Variants in TNKS2 observed in about 807,000 individuals in gnomAD.
TNKS2 encodes tankyrase 2.
Under a neutral mutation model 137.6 loss-of-function variants are expected in TNKS2, and 72 were observed. The ratio of observed to expected loss-of-function variants is 0.52; its 90% CI spans 0.43 to 0.64. The LOEUF (loss-of-function observed/expected upper bound fraction) is 0.64, where lower values mean the gene tolerates loss of function less well. TNKS2 is among the 30% of genes least tolerant of loss of function. The probability of loss-of-function intolerance (pLI) is 0.00; values close to 1 mark genes in which losing one functional copy is unlikely to be tolerated. For synonymous variants in TNKS2, 516 were observed against 512.1 expected, an observed-to-expected ratio of 1.01 and a Z score of -0.10; for missense variants, 1,049 against 1,410.2, an observed-to-expected ratio of 0.74 and a Z score of 4.10.
chr10:91,815,486 C>CAAATGT (rs59439298), intron 2 of TNKS2, among the ~76,000 whole-genome samples: 4 of 151,340 alleles, frequency 2.6e-5, no homozygotes, highest in African/African-American at 7.3e-5. Flanking sequence ...TAGAGTTTTC[C>CAAATGT]AGTTATAATC....
chr10:91,851,539 A>G (rs1451138602), intron 21 of TNKS2, among the ~76,000 whole-genome samples: 2 of 152,182 alleles, frequency 1.3e-5, no homozygotes, highest in Non-Finnish European at 2.9e-5. Context: ...ATGTGAACCT[A>G]AGTAAAATTT....
intron 7 of TNKS2, among the ~76,000 whole-genome samples, chr10:91,826,567 A>G (rs937260823): frequency 6.6e-6 from 1 of 152,236 alleles, no homozygotes; most frequent in Non-Finnish European, 1.5e-5. Flanking sequence ...TATATCTAAT[A>G]TGTGGCCAGA....
Position 91,848,384 on chromosome 10 carries a change from C to T in TNKS2, c.2360C>T (p.Ala787Val), listed in dbSNP as rs758827793. ...EGQTPLDLVS[A>V]DDVSALLTAA... ...TGTTGTCTCTGACACGTACCCTAGGCGGATGATGTCAGCGCTCTTCTGACA... is the reference window on the plus strand; with the variant it reads ...TGTTGTCTCTGACACGTACCCTAGGTGGATGATGTCAGCGCTCTTCTGACA... The change falls in exon 19 of 27, where the codon GCG becomes GTG. Residue 787 changes from alanine to valine, a missense_variant and splice_region_variant. Coordinates refer to ENST00000371627, the MANE Select transcript of TNKS2 (RefSeq NM_025235.4). 1.8e-5 allele frequency: 29 copies of T among 1,613,732 alleles called. No homozygotes were observed. Among genetic ancestry groups the T allele is most frequent in the Non-Finnish European group, 2.2e-5 (26 of 1,179,842 alleles).
intron 1 of TNKS2, among the ~76,000 whole-genome samples, chr10:91,804,611 G>A (rs1177990368): frequency 1.1e-4 from 17 of 152,198 alleles, no homozygotes; most frequent in Non-Finnish European, 2.2e-4. Flanking sequence ...TACCTGGCCA[G>A]TGAGAACATG....
In TNKS2 at chr10:91,798,495, C is replaced by T. The variant is rs1844038021; in HGVS notation, c.-196C>T. Reference sequence around the variant, plus strand: ...CGCTGCCTCCGCCGCCGCGGGGCAGCCGGGGGGCAGGGAGCCCAGCGAGGG... The same window carrying T: ...CGCTGCCTCCGCCGCCGCGGGGCAGTCGGGGGGCAGGGAGCCCAGCGAGGG... On this transcript the variant is annotated 5_prime_UTR_variant, in exon 1 of 27. Coordinates refer to ENST00000371627, the MANE Select transcript of TNKS2 (RefSeq NM_025235.4). 1 of 519,022 alleles carries T rather than the reference C, an allele frequency of 1.9e-6. No homozygotes were observed. Among genetic ancestry groups the T allele is most frequent in the East Asian group, 4.6e-5 (1 of 21,780 alleles). The allele number at this position is 519,022 out of a possible 1,614,324, so 32.2% of individuals were successfully genotyped here.
intron 15 of TNKS2, among the ~76,000 whole-genome samples, 175 bp downstream of exon 15, chr10:91,841,623 A>G (rs750813092): frequency 1.3e-5 from 2 of 152,124 alleles, no homozygotes; most frequent in Non-Finnish European, 2.9e-5. Context: ...ATCCACAAGT[A>G]TGTTTACTAG....
Position 91,863,071 on chromosome 10 carries a change from C to A in TNKS2, c.*72C>A. ...GCAGCAGTGGCCTCTACGTTTTACT[C>A]CTTTGCTGAAAAAAAATCATCTTGC... On this transcript the variant is annotated 3_prime_UTR_variant, in exon 27 of 27. Coordinates refer to ENST00000371627, the MANE Select transcript of TNKS2 (RefSeq NM_025235.4). The A allele has an allele frequency of 2.7e-6, 3 of 1,103,588 alleles. No individual in the cohort carries two copies. Among genetic ancestry groups the A allele is most frequent in the South Asian group, 1.4e-5 (1 of 70,512 alleles). 68.4% of individuals were successfully genotyped at this position (1,103,588 alleles called of 1,614,324 possible). A position where few individuals can be genotyped will look rare whatever the true frequency, so the allele number is the denominator to read the frequency against.
At chr10:91,821,470 A>C (rs1187273856) in intron 6 of TNKS2, among the ~76,000 whole-genome samples, 2 of 152,152 alleles carry the variant, frequency 1.3e-5, no homozygotes, top group African/African-American at 4.8e-5. Context: ...CTTTAAAGAG[A>C]GGACTCATAG....
chr10:91,822,280 C>T lies in TNKS2; in HGVS notation c.729-16C>T. ...ATCTATACTGAAACAGGATTTTCCC[C>T]CCCTTCTCATTGTAGTGATCTGGTA... is the stretch of plus-strand genomic sequence containing the variant. On this transcript the variant is annotated splice_polypyrimidine_tract_variant and intron_variant, in intron 6 of 26. Coordinates refer to ENST00000371627, the MANE Select transcript of TNKS2 (RefSeq NM_025235.4). 1 of 1,597,926 alleles carries T rather than the reference C, an allele frequency of 6.3e-7. No homozygotes were observed. Among genetic ancestry groups the T allele is most frequent in the South Asian group, 1.1e-5 (1 of 86,986 alleles).
intron 2 of TNKS2, among the ~76,000 whole-genome samples, chr10:91,814,599 A>G (rs943435705): frequency 6.6e-6 from 1 of 152,178 alleles, no homozygotes; most frequent in Admixed American, 6.5e-5. Flanking sequence ...ATTCATGGTA[A>G]ATGTCCTATA....
rs113827159 is a variant in TNKS2 at position 91,803,803 on chromosome 10, T to C, written c.199+4914T>C. 5.7e-3 allele frequency among the ~76,000 whole-genome samples: 863 copies of C among 152,324 alleles called. 9 individuals carry two copies. Among genetic ancestry groups the C allele is most frequent in the African/African-American group, 0.019 (798 of 41,568 alleles). ...ATTTGTTGACATTTTTCCAGAACTT[T>C]GCCTTTGGACAAAACCCTGTGTGAT... On this transcript the variant is annotated intron_variant, in intron 1 of 26. Transcript: ENST00000371627.
At chr10:91,840,461 A>C (rs1171719044) in intron 13 of TNKS2, 100 bp from the exon 14 acceptor site, 2 of 1,085,338 alleles carry the variant, frequency 1.8e-6, no homozygotes, top group African/African-American at 3.2e-5. Context: ...ATGAGACAAG[A>C]AAATAAGTCA....
intron 26 of TNKS2, among the ~76,000 whole-genome samples, chr10:91,862,480 T>C (rs1842876737): frequency 6.6e-6 from 1 of 152,198 alleles, no homozygotes; most frequent in African/African-American, 2.4e-5. Flanking sequence ...ACTATTTCAA[T>C]TGTAAATTTC....
intron 13 of TNKS2, among the ~76,000 whole-genome samples, chr10:91,839,712 T>G (rs748796023): frequency 2.6e-5 from 4 of 152,200 alleles, no homozygotes; most frequent in Non-Finnish European, 5.9e-5. Flanking sequence ...CCACACCAGT[T>G]ACACTGAAAA....
intron 3 of TNKS2, 148 bp from the exon 4 acceptor site, chr10:91,819,122 C>A: frequency 2.0e-6 from 1 of 505,958 alleles, no homozygotes; most frequent in Non-Finnish European, 3.4e-6. Flanking sequence ...TTTTAAACTA[C>A]ACAATATTCT....
At chr10:91,825,714 T>G (rs1196378179) in intron 7 of TNKS2, among the ~76,000 whole-genome samples, 3 of 152,236 alleles carry the variant, frequency 2.0e-5, no homozygotes, top group African/African-American at 7.2e-5. Flanking sequence ...TGTGTTTGAT[T>G]GGTTAAACTA....
intron 7 of TNKS2, among the ~76,000 whole-genome samples, chr10:91,824,895 T>C (rs1370078621): frequency 2.6e-5 from 4 of 152,164 alleles, no homozygotes; most frequent in Non-Finnish European, 5.9e-5. Flanking sequence ...TAAACAATAA[T>C]ACAGAGTTTT....
chr10:91,855,249 A>G, intron 22 of TNKS2, 123 bp downstream of exon 22: 1 of 678,742 alleles, frequency 1.5e-6, no homozygotes, highest in South Asian at 1.7e-5. Flanking sequence ...TCTGTTTTCA[A>G]GCTGATTATC....
At chr10:91,813,671 G>A (rs1844580305) in intron 2 of TNKS2, among the ~76,000 whole-genome samples, 1 of 152,146 alleles carries the variant, frequency 6.6e-6, no homozygotes, top group Admixed American at 6.5e-5. Context: ...GTACGTGCAG[G>A]CAGTGTAGAA....
Sources: gnomAD v4.1 joint callset for allele counts (sites outside exome capture counted in the v4.1 genomes callset) on GRCh38, gnomAD v4.1.1 for gene constraint, MANE v1.5 for transcripts, NCBI Gene and HGNC (gene_info 2026-07-23, HGNC 2026-07-21) for gene names.